MRPL20: variants seen among roughly 807,000 people sequenced by gnomAD.
The protein encoded by MRPL20 is large ribosomal subunit protein bL20m.
In MRPL20, 21 loss-of-function variants were observed where a neutral mutation model predicts 20.0. The observed-to-expected ratio is 1.05, with a 90% CI of 0.74 to 1.51. The LOEUF (loss-of-function observed/expected upper bound fraction) is 1.51, where lower values mean the gene tolerates loss of function less well. Among genes scored for constraint, MRPL20 ranks in the 40% most tolerant of loss-of-function variants. The pLI is 0.00. For synonymous variants in MRPL20, 104 were observed against 73.0 expected (o/e 1.43, Z -2.17); for missense variants, 252 against 185.6 (o/e 1.36, Z -2.08).
intron 3 of MRPL20, among the ~76,000 whole-genome samples, chr1:1,404,904 AGTGCAGCTACG>A (rs201938505): frequency 0.039 from 5,882 of 152,216 alleles, 157 homozygotes; most frequent in East Asian, 0.092. Flanking sequence ...ACCAAGACAG[AGTGCAGCTACG>A]GTGCAGCTGG....
At chr1:1,404,913 A>G (rs1645368931) in intron 3 of MRPL20, among the ~76,000 whole-genome samples, 1 of 140,690 alleles carries the variant, frequency 7.1e-6, no homozygotes, top group Non-Finnish European at 1.6e-5. Context: ...GAGTGCAGCT[A>G]CGGTGCAGCT....
chr1:1,406,789 G>T, intron 2 of MRPL20, 120 bp downstream of exon 2: 1 of 847,772 alleles, frequency 1.2e-6, no homozygotes, highest in Non-Finnish European at 2.0e-6. Flanking sequence ...GAGTTTCGAA[G>T]CAAGGTATGA....
intron 3 of MRPL20, among the ~76,000 whole-genome samples, chr1:1,403,488 C>T (rs1234872786): frequency 6.6e-5 from 10 of 151,930 alleles, no homozygotes; most frequent in African/African-American, 2.2e-4. Context: ...GTGATCCACC[C>T]GCCTCAGCCT....
In MRPL20 at chr1:1,407,127, T is replaced by A; in HGVS notation, c.87+4A>T. On this transcript the variant is annotated splice_donor_region_variant and intron_variant, in intron 1 of 3. Transcript: ENST00000344843. ...AGTGCCCAGGCCGGGCAGGCGGCAC[T>A]CACCCTGGCGTGCTTCAGCACCTCC... The A allele has an allele frequency of 6.2e-7, 1 of 1,606,558 alleles. No individual in the cohort carries two copies. Among genetic ancestry groups the A allele is most frequent in the East Asian group, 2.2e-5 (1 of 44,622 alleles).
rs1557751946 is a variant in MRPL20 at position 1,407,034 on chromosome 1, G to A, written c.88-15C>T. ...CCCCGGAAGTGCTGGGACAGAAAAC[G>A]AGAAACCAGGGTTGTCAGCGGGGCC... On this transcript the variant is annotated splice_polypyrimidine_tract_variant and intron_variant, in intron 1 of 3. Coordinates refer to ENST00000344843, the MANE Select transcript of MRPL20 (RefSeq NM_017971.4). 2 of 1,612,434 alleles carry A rather than the reference G, an allele frequency of 1.2e-6. No homozygotes were observed. Among genetic ancestry groups the A allele is most frequent in the Non-Finnish European group, 1.7e-6 (2 of 1,178,530 alleles).
chr1:1,406,962 C>G lies in MRPL20; in HGVS notation c.145G>C (p.Ala49Pro). ...CGGGCTTTGGTGCATTTCACAAAGG[C>G]TCGAATCACGGTTCTGACCGCCAAC... ...YRLAVRTVIR[A>P]FVKCTKARYL... The change falls in exon 2 of 4, where the codon GCC (alanine) becomes CCC (proline). Residue 49 changes from alanine (A) to proline (P), a missense_variant. Transcript: ENST00000344843. The G allele has an allele frequency of 1.2e-6, 2 of 1,613,874 alleles. No individual in the cohort carries two copies. Among genetic ancestry groups the G allele is most frequent in the Non-Finnish European group, 1.7e-6 (2 of 1,179,796 alleles).
At position 1,405,609 on chromosome 1, in the gene MRPL20, C is replaced by T. The variant is rs973363368; in HGVS notation, c.276+200G>A. On this transcript the variant is annotated intron_variant, in intron 3 of 3. Coordinates refer to ENST00000344843, the MANE Select transcript of MRPL20 (RefSeq NM_017971.4). The stretch of plus-strand genomic sequence containing the variant: ...TAGGCAACGTGGTGGTCCCTTGCTC[C>T]CAAGAGGTCACCATATTGATACCAC... The T allele has an allele frequency of 8.4e-6, 8 of 957,602 alleles. No homozygotes were observed. In the Admixed American group the frequency reaches 1.4e-4, roughly 17 times the overall value. 59.3% of individuals were successfully genotyped at this position (957,602 alleles called of 1,614,324 possible).
intron 3 of MRPL20, 181 bp from the exon 4 acceptor site, chr1:1,402,437 A>C: frequency 7.3e-7 from 1 of 1,376,526 alleles, no homozygotes; most frequent in Non-Finnish European, 9.4e-7. Context: ...TGAAGGATAA[A>C]TGTGGACACG....
chr1:1,405,904 G>A lies in MRPL20; in HGVS notation c.199-18C>T. On this transcript the variant is annotated intron_variant, in intron 2 of 3. Coordinates refer to ENST00000344843, the MANE Select transcript of MRPL20 (RefSeq NM_017971.4). Reference sequence around the variant, plus strand: ...ATCCAGAGCTGAAATAAGAAAACATGAAGATACTTAAAAATGACTTCTGGA... The same window carrying A: ...ATCCAGAGCTGAAATAAGAAAACATAAAGATACTTAAAAATGACTTCTGGA... 6.3e-7 allele frequency: 1 copy of A among 1,598,492 alleles called. No homozygotes were observed.
intron 3 of MRPL20, among the ~76,000 whole-genome samples, chr1:1,404,164 T>G (rs1014882723): frequency 1.3e-5 from 2 of 151,960 alleles, no homozygotes; most frequent in Non-Finnish European, 2.9e-5. Flanking sequence ...TAACTTTTTT[T>G]TTTTTTTGAG....
intron 2 of MRPL20, 120 bp downstream of exon 2, chr1:1,406,789 G>A (rs2100400052): frequency 1.2e-6 from 1 of 847,772 alleles, no homozygotes. Context: ...GAGTTTCGAA[G>A]CAAGGTATGA....
chr1:1,405,636 CT>C, intron 3 of MRPL20, 172 bp downstream of exon 3: 1 of 1,190,772 alleles, frequency 8.4e-7, no homozygotes, highest in Non-Finnish European at 1.2e-6. Context: ...TGATACCACA[CT>C]TAACATGGAC....
At chr1:1,404,426 T>G (rs981203760) in intron 3 of MRPL20, among the ~76,000 whole-genome samples, 5 of 151,952 alleles carry the variant, frequency 3.3e-5, no homozygotes, top group Non-Finnish European at 7.4e-5. Flanking sequence ...AGTGCTGGGA[T>G]TACAGGTGTG....
chr1:1,405,641 C>G (rs1420845549), intron 3 of MRPL20, 168 bp downstream of exon 3: 1 of 1,217,284 alleles, frequency 8.2e-7, no homozygotes. Context: ...CCACACTTAA[C>G]ATGGACACCC....
intron 3 of MRPL20, among the ~76,000 whole-genome samples, chr1:1,403,193 C>G (rs1645349389): frequency 6.6e-6 from 1 of 151,838 alleles, no homozygotes. Flanking sequence ...CTACCTGTGA[C>G]CTAACTGTAC....
chr1:1,402,249 A>G lies in MRPL20; in HGVS notation c.284T>C (p.Val95Ala). The G allele has an allele frequency of 6.2e-7, 1 of 1,607,956 alleles. No individual in the cohort carries two copies. Among genetic ancestry groups the G allele is most frequent in the Non-Finnish European group, 8.5e-7 (1 of 1,177,228 alleles). Residue 95 changes from valine to alanine, a missense_variant, in exon 4 of 4, where the codon GTG (valine) becomes GCG (alanine). Physicochemically the swap from Val to Ala is moderately conservative, Grantham distance 64. Coordinates refer to ENST00000344843, the MANE Select transcript of MRPL20 (RefSeq NM_017971.4). ...ALIGNLVKCQVELNRKVLADL... is the reference protein window; with the variant it reads ...ALIGNLVKCQAELNRKVLADL... The stretch of plus-strand genomic sequence containing the variant: ...CGCTAGGACTTTCCTGTTGAGCTCC[A>G]CCTGGCACTGAAAAAAGAATGAATC...
chr1:1,405,276 T>C (rs1645372274), intron 3 of MRPL20: 1 of 208,328 alleles, frequency 4.8e-6, no homozygotes, highest in Non-Finnish European at 9.8e-6. Flanking sequence ...TGCCCAGCCA[T>C]GGCTTTCTTT....
rs141991844 is a variant in MRPL20, at chr1:1,405,616, G to A, written c.276+193C>T. 239 of 1,000,890 alleles carry A rather than the reference G, an allele frequency of 2.4e-4. No individual in the cohort carries two copies. In the African/African-American group the frequency reaches 3.3e-3, roughly 14 times the overall value. The allele number at this position is 1,000,890 out of a possible 1,614,324, so 62.0% of individuals were successfully genotyped here. A position where few individuals can be genotyped will look rare whatever the true frequency, so the allele number is the denominator to read the frequency against. On this transcript the variant is annotated intron_variant, in intron 3 of 3. Coordinates refer to ENST00000344843, the MANE Select transcript of MRPL20 (RefSeq NM_017971.4). ...CGTGGTGGTCCCTTGCTCCCAAGAG[G>A]TCACCATATTGATACCACACTTAAC...
intron 3 of MRPL20, 77 bp from the exon 4 acceptor site, chr1:1,402,333 C>T: frequency 6.6e-7 from 1 of 1,508,910 alleles, no homozygotes; most frequent in Non-Finnish European, 8.8e-7. Context: ...GGCGCTGGCT[C>T]AGGAAGAACC....
Sources: gnomAD v4.1 joint callset for allele counts (sites outside exome capture counted in the v4.1 genomes callset) on GRCh38, gnomAD v4.1.1 for gene constraint, MANE v1.5 for transcripts, NCBI Gene and HGNC (gene_info 2026-07-23, HGNC 2026-07-21) for gene names.